Variants in ZWILCH observed in about 807,000 individuals in gnomAD.
The protein encoded by ZWILCH is zwilch kinetochore protein.
Under a neutral mutation model 79.9 loss-of-function variants are expected in ZWILCH, and 74 were observed. That is an observed-to-expected ratio of 0.93 (90% CI 0.77 to 1.12). The LOEUF (loss-of-function observed/expected upper bound fraction) is 1.12, where lower values mean the gene tolerates loss of function less well. Among genes scored for constraint, ZWILCH ranks in the 50% most tolerant of loss-of-function variants. The pLI, the probability that ZWILCH is intolerant of heterozygous loss-of-function variation, is 0.00. For missense variants in ZWILCH, 694 were observed against 687.5 expected (o/e 1.01, Z -0.11); for synonymous variants, 241 against 228.2 (o/e 1.06, Z -0.51).
At chr15:66,546,460 C>T (rs539149595) in intron 17 of ZWILCH, 131 bp from the exon 18 acceptor site, 2 of 422,654 alleles carry the variant, frequency 4.7e-6, no homozygotes, top group Non-Finnish European at 8.5e-6. Context: ...CCAATGAATT[C>T]TCTTAAAGTA....
chr15:66,527,747 CCTT>C (rs1217693117), intron 9 of ZWILCH, 107 bp from the exon 10 acceptor site: 2 of 912,342 alleles, frequency 2.2e-6, no homozygotes, highest in Non-Finnish European at 3.4e-6. Flanking sequence ...TTGCTAAAAT[CCTT>C]AGTTAGACTT....
At chr15:66,512,147 T>G (rs1223015159) in intron 2 of ZWILCH, among the ~76,000 whole-genome samples, 1 of 152,220 alleles carries the variant, frequency 6.6e-6, no homozygotes, top group African/African-American at 2.4e-5. Flanking sequence ...GCTGTGGTAC[T>G]AGACTGCCAA....
At chr15:66,511,957 A>G (rs1894083623) in intron 2 of ZWILCH, among the ~76,000 whole-genome samples, 1 of 152,170 alleles carries the variant, frequency 6.6e-6, no homozygotes, top group Non-Finnish European at 1.5e-5. Flanking sequence ...GGAAGTATAA[A>G]TGTGTAGGTG....
At chr15:66,544,719 G>GTGT (rs1555426538) in intron 17 of ZWILCH, among the ~76,000 whole-genome samples, 1 of 44,780 alleles carries the variant, frequency 2.2e-5, no homozygotes, top group Non-Finnish European at 5.0e-5. Flanking sequence ...TTGTTTTTTT[G>GTGT]GTTTTTGTGT....
chr15:66,531,527 C>T (rs2140788150), intron 12 of ZWILCH, among the ~76,000 whole-genome samples: 1 of 152,138 alleles, frequency 6.6e-6, no homozygotes, highest in African/African-American at 2.4e-5. Flanking sequence ...GTGCTGTGAT[C>T]TCGGCTCACT....
At chr15:66,507,256 A>T (rs1235119137) in intron 1 of ZWILCH, among the ~76,000 whole-genome samples, 1 of 152,150 alleles carries the variant, frequency 6.6e-6, no homozygotes, top group Admixed American at 6.6e-5. Context: ...AATACCTGCA[A>T]AGCTGAATTA....
intron 3 of ZWILCH, 84 bp from the exon 4 acceptor site, chr15:66,515,442 T>A (rs1459752173): frequency 2.4e-6 from 2 of 847,700 alleles, no homozygotes; most frequent in Non-Finnish European, 3.8e-6. Flanking sequence ...GTTCTACTTG[T>A]CATTATTCTG....
At position 66,549,748 on chromosome 15, in the gene ZWILCH, T is replaced by G. The variant is rs1895526627; in HGVS notation, c.*1424T>G. On this transcript the variant is annotated 3_prime_UTR_variant, in exon 19 of 19. Transcript: ENST00000307897. ...TATAGTGGTTGGCTTTTCCTCTCCT[T>G]GCCCAAGCCCACTATAACAAAAATA... 1 of 217,272 alleles carries G rather than the reference T, an allele frequency of 4.6e-6. No homozygotes were observed. Among genetic ancestry groups the G allele is most frequent in the African/African-American group, 2.3e-5 (1 of 43,570 alleles). The allele number at this position is 217,272 out of a possible 1,614,324, so 13.5% of individuals were successfully genotyped here.
At chr15:66,506,622 C>T (rs1262420298) in intron 1 of ZWILCH, among the ~76,000 whole-genome samples, 1 of 152,088 alleles carries the variant, frequency 6.6e-6, no homozygotes, top group Non-Finnish European at 1.5e-5. Flanking sequence ...TGCCAGTGCA[C>T]TCCAGCCTGG....
rs145952622 is a variant in ZWILCH at position 66,544,724 on chromosome 15, T to TTTTTTTTTTTGTGTGTGTGTGTGTG, written c.1688-1866_1688-1865insTTTTTTTTTGTGTGTGTGTGTGTGT. Reference sequence around the variant, plus strand: ...TGTTTTTTTGTTGTTTTTTTGGTTTTTGTGTGTGTGTGTGTGTGTGTGTGT... The same window carrying TTTTTTTTTTTGTGTGTGTGTGTGTG: ...TGTTTTTTTGTTGTTTTTTTGGTTTTTTTTTTTTTTGTGTGTGTGTGTGTGTGTGTGTGTGTGTGTGTGTGTGTGT... On this transcript the variant is annotated intron_variant, in intron 17 of 18. Coordinates refer to ENST00000307897, the MANE Select transcript of ZWILCH (RefSeq NM_017975.5). Among the ~76,000 whole-genome samples, 3 of 128,544 alleles carry TTTTTTTTTTTGTGTGTGTGTGTGTG rather than the reference T, an allele frequency of 2.3e-5. No homozygotes were observed. In the East Asian group the frequency reaches 7.4e-4, roughly 32 times the overall value. The allele number at this position is 128,544 out of a possible 152,430, so 84.3% of individuals were successfully genotyped here.
intron 2 of ZWILCH, among the ~76,000 whole-genome samples, chr15:66,509,842 T>TTTC (rs1567039378): frequency 3.8e-5 from 3 of 77,946 alleles, no homozygotes; most frequent in African/African-American, 1.4e-4. Context: ...TATATATATA[T>TTTC]ATATATATAT....
chr15:66,527,767 T>C lies in ZWILCH; in HGVS notation c.914-90T>C, dbSNP rs1397981497. On this transcript the variant is annotated intron_variant, in intron 9 of 18. Transcript: ENST00000307897. ...AAAATCCTTAGTTAGACTTCTACTG[T>C]CCCCATTTACCATTTGAAAATAGGA... The C allele has an allele frequency of 1.3e-5, 14 of 1,103,362 alleles. No individual in the cohort carries two copies. The Admixed American group carries it at 3.2e-4, about 25-fold the overall frequency. 68.3% of individuals were successfully genotyped at this position (1,103,362 alleles called of 1,614,324 possible).
At chr15:66,526,519 G>T (rs914126856) in intron 8 of ZWILCH, among the ~76,000 whole-genome samples, 2 of 151,672 alleles carry the variant, frequency 1.3e-5, no homozygotes, top group African/African-American at 4.8e-5. Context: ...CAATGCAGTG[G>T]CACCATCTTG....
intron 10 of ZWILCH, 152 bp downstream of exon 10, chr15:66,528,064 G>T: frequency 9.3e-6 from 4 of 430,348 alleles, no homozygotes; most frequent in Non-Finnish European, 1.6e-5. Context: ...TGTCAGCACT[G>T]GTTATTGTTT....
At chr15:66,535,263 G>C (rs935267959) in intron 14 of ZWILCH, among the ~76,000 whole-genome samples, 1 of 152,054 alleles carries the variant, frequency 6.6e-6, no homozygotes, top group Non-Finnish European at 1.5e-5. Context: ...GGCTCTTTTT[G>C]AGGAATAGTT....
intron 17 of ZWILCH, among the ~76,000 whole-genome samples, chr15:66,546,296 C>A (rs890910675): frequency 6.6e-6 from 1 of 151,974 alleles, no homozygotes; most frequent in Non-Finnish European, 1.5e-5. Flanking sequence ...AGTTGTGTAA[C>A]CCTAGTTAAT....
chr15:66,511,925 T>C (rs1567040487), intron 2 of ZWILCH, among the ~76,000 whole-genome samples: 1 of 152,236 alleles, frequency 6.6e-6, no homozygotes, highest in East Asian at 1.9e-4. Context: ...GTGAAAATGC[T>C]TAATATGTTG....
intron 1 of ZWILCH, among the ~76,000 whole-genome samples, chr15:66,506,545 T>C (rs1004759411): frequency 6.6e-6 from 1 of 152,228 alleles, no homozygotes; most frequent in East Asian, 1.9e-4. Flanking sequence ...GGCGGGCACC[T>C]GTAATCCCAG....
Position 66,529,567 on chromosome 15 carries a change from G to A in ZWILCH, c.1149G>A (p.Gln383=), listed in dbSNP as rs759604408. ...AGAGTCTACAACGTGGTGATATACA[G>A]CCATGGGTAGGTTTAGTAGTGTGTG... The part of the protein sequence containing the change: ...IIQSLQRGDI[Q]PWLHSGSNSL... The change falls in exon 12 of 19, where the codon CAG becomes CAA. Residue 383 remains glutamine (Q), a synonymous_variant. Transcript: ENST00000307897. 3.7e-6 allele frequency: 6 copies of A among 1,612,504 alleles called. No individual in the cohort carries two copies. The African/African-American group carries it at 8.0e-5, about 22-fold the overall frequency.
Sources: allele counts gnomAD v4.1 joint callset (sites outside exome capture counted in the v4.1 genomes callset), GRCh38; gene constraint gnomAD v4.1.1; transcripts MANE v1.5; gene names NCBI Gene and HGNC (gene_info 2026-07-23, HGNC 2026-07-21).